Variants in OTUD3 observed in about 807,000 individuals in gnomAD.
OTUD3 encodes OTU deubiquitinase 3.
OTUD3 carries 24 observed loss-of-function variants against 46.2 expected under a neutral mutation model. The observed-to-expected ratio is 0.52, with a 90% CI of 0.38 to 0.73. The LOEUF (loss-of-function observed/expected upper bound fraction) is 0.73. Ranked by LOEUF, OTUD3 falls within the 30% of genes least tolerant of loss-of-function variation. OTUD3 has a pLI of 0.00. For missense variants in OTUD3, 455 were observed against 523.3 expected (o/e 0.87, Z 1.27); for synonymous variants, 189 against 195.4 (o/e 0.97, Z 0.27).
At chr1:19,902,768 TA>T (rs2045608259) in intron 4 of OTUD3, among the ~76,000 whole-genome samples, 3 of 152,292 alleles carry the variant, frequency 2.0e-5, no homozygotes, top group African/African-American at 7.2e-5. Context: ...GTTACAGAAT[TA>T]TATCATCTAC....
chr1:19,895,445 T>A (rs2045505829), intron 3 of OTUD3, among the ~76,000 whole-genome samples: 1 of 152,152 alleles, frequency 6.6e-6, no homozygotes, highest in Non-Finnish European at 1.5e-5. Flanking sequence ...ACTGGCCCCC[T>A]CCCCCAATAC....
At chr1:19,895,721 C>T (rs1195190782) in intron 3 of OTUD3, among the ~76,000 whole-genome samples, 1 of 152,124 alleles carries the variant, frequency 6.6e-6, no homozygotes, top group Non-Finnish European at 1.5e-5. Context: ...ATCATATTTT[C>T]CATGGGGTTC....
chr1:19,883,649 T>C (rs1005429840), intron 1 of OTUD3, among the ~76,000 whole-genome samples: 1 of 132,076 alleles, frequency 7.6e-6, no homozygotes, highest in Admixed American at 7.5e-5. Context: ...AGTTCATTAT[T>C]ATTGTTATTT....
At chr1:19,904,656 A>G (rs2045633392) in intron 5 of OTUD3, among the ~76,000 whole-genome samples, 1 of 152,266 alleles carries the variant, frequency 6.6e-6, no homozygotes, top group African/African-American at 2.4e-5. Context: ...TAGTGTTTAC[A>G]GTAGTACAAA....
chr1:19,885,217 T>C (rs1338383040), intron 1 of OTUD3, among the ~76,000 whole-genome samples: 1 of 152,218 alleles, frequency 6.6e-6, no homozygotes, highest in Non-Finnish European at 1.5e-5. Flanking sequence ...TGCTCATGTC[T>C]CTCTTCCAAG....
At position 19,897,579 on chromosome 1, in the gene OTUD3, A is replaced by G. The variant is rs1377403155; in HGVS notation, c.523A>G (p.Ile175Val). ...GAAAAGCAGCGTGAGGGAGTTACACATCGCATATCGGTATGGAGAGCACTA... is the reference window on the plus strand; with the variant it reads ...GAAAAGCAGCGTGAGGGAGTTACACGTCGCATATCGGTATGGAGAGCACTA... Reference protein sequence around the residue: ...TEKSSVRELHIAYRYGEHYDS... With the variant: ...TEKSSVRELHVAYRYGEHYDS... The change falls in exon 4 of 8, where the codon ATC becomes GTC. Residue 175 changes from isoleucine (I) to valine (V), a missense_variant. Ile to Val is a conservative substitution (Grantham distance 29). Coordinates refer to ENST00000375120, the MANE Select transcript of OTUD3 (RefSeq NM_015207.2). 27 of 1,613,992 alleles carry G rather than the reference A, an allele frequency of 1.7e-5. No homozygotes were observed. The highest frequency in any genetic ancestry group is 6.7e-5 in the African/African-American group (5 of 74,912).
intron 3 of OTUD3, among the ~76,000 whole-genome samples, chr1:19,895,488 C>G (rs1311569896): frequency 6.6e-6 from 1 of 152,198 alleles, no homozygotes; most frequent in Non-Finnish European, 1.5e-5. Context: ...CTGATTTGTC[C>G]TTATAGTTTT....
rs1344058219 is a variant in OTUD3, at chr1:19,907,556, G to T, written c.1021-14G>T. On this transcript the variant is annotated splice_polypyrimidine_tract_variant and intron_variant, in intron 7 of 7. Coordinates refer to ENST00000375120, the MANE Select transcript of OTUD3 (RefSeq NM_015207.2). ...CCCGTGCTTCCTACTCACCACCATG[G>T]CCTTCTCTCTCAGGTCACAAACAAA... is the stretch of plus-strand genomic sequence containing the variant. 1 of 1,613,346 alleles carries T rather than the reference G, an allele frequency of 6.2e-7. No homozygotes were observed. The highest frequency in any genetic ancestry group is 2.2e-5 in the East Asian group (1 of 44,874).
At chr1:19,888,485 G>C (rs112483005) in intron 1 of OTUD3, among the ~76,000 whole-genome samples, 1,817 of 152,344 alleles carry the variant, frequency 0.012, 13 homozygotes, top group Non-Finnish European at 0.019. Context: ...TGAGCTCAAA[G>C]AAAGTTTGGT....
intron 2 of OTUD3, 26 bp downstream of exon 2, chr1:19,890,559 C>A: frequency 1.2e-6 from 2 of 1,608,102 alleles, no homozygotes; most frequent in Non-Finnish European, 1.7e-6. Flanking sequence ...GACATTGTGT[C>A]CTTCAGGAGT....
intron 4 of OTUD3, among the ~76,000 whole-genome samples, chr1:19,900,402 C>T (rs2045570782): frequency 1.3e-5 from 2 of 151,952 alleles, no homozygotes; most frequent in African/African-American, 4.8e-5. Flanking sequence ...GTTGCCCGGG[C>T]TGGTCTCGAA....
intron 1 of OTUD3, among the ~76,000 whole-genome samples, chr1:19,888,037 C>T (rs545139389): frequency 6.6e-6 from 1 of 152,164 alleles, no homozygotes; most frequent in South Asian, 2.1e-4. Context: ...GCCATATATC[C>T]CTATAACACA....
At position 19,897,556 on chromosome 1, in the gene OTUD3, A is replaced by G; in HGVS notation, c.500A>G (p.Lys167Arg). The change falls in exon 4 of 8, where the codon AAA (lysine) becomes AGA (arginine). Residue 167 changes from lysine (K) to arginine (R), a missense_variant. By Grantham distance (26) the Lys-to-Arg change is conservative (BLOSUM62 2). Coordinates refer to ENST00000375120, the MANE Select transcript of OTUD3 (RefSeq NM_015207.2). ...APLWQIRGTE[K>R]SSVRELHIAY... ...TGTCTACAGATTCGTGGTACAGAGA[A>G]AAGCAGCGTGAGGGAGTTACACATC... 1 of 1,614,072 alleles carries G rather than the reference A, an allele frequency of 6.2e-7. No homozygotes were observed. The highest frequency in any genetic ancestry group is 2.2e-5 in the East Asian group (1 of 44,874).
At chr1:19,901,695 T>C (rs1023690830) in intron 4 of OTUD3, among the ~76,000 whole-genome samples, 6 of 152,188 alleles carry the variant, frequency 3.9e-5, no homozygotes, top group African/African-American at 1.4e-4. Context: ...CCCTCTCCCC[T>C]AGCAGTCACC....
intron 1 of OTUD3, among the ~76,000 whole-genome samples, chr1:19,883,369 G>A (rs1413553729): frequency 1.3e-5 from 2 of 152,166 alleles, no homozygotes; most frequent in African/African-American, 4.8e-5. Context: ...GAGGGGGAGA[G>A]TGGGGAGGAG....
chr1:19,895,980 A>AT (rs372806476), intron 3 of OTUD3, among the ~76,000 whole-genome samples: 27 of 151,666 alleles, frequency 1.8e-4, no homozygotes, highest in African/African-American at 5.6e-4. Flanking sequence ...GCATAGGTAA[A>AT]TTTTTTTTTG....
At chr1:19,904,119 C>T (rs1359537654) in intron 4 of OTUD3, 148 bp from the exon 5 acceptor site, 1 of 485,268 alleles carries the variant, frequency 2.1e-6, no homozygotes, top group Non-Finnish European at 3.6e-6. Context: ...TAAAATGGAG[C>T]CTAGTCATTG....
rs2045734148 is a variant in OTUD3, at chr1:19,911,587, A to C, written c.*3841A>C. 6.6e-6 allele frequency: 1 copy of C among 152,074 alleles called. No homozygotes were observed. Among genetic ancestry groups the C allele is most frequent in the South Asian group, 2.1e-4 (1 of 4,798 alleles). 9.4% of individuals were successfully genotyped at this position (152,074 alleles called of 1,614,324 possible). On this transcript the variant is annotated 3_prime_UTR_variant, in exon 8 of 8. Transcript: ENST00000375120. ...GTATTTTTAGTAGAGACGGGGTTTC[A>C]CCATGTTAGCCAGGCTGGTCTCAAA...
chr1:19,907,461 C>T (rs965738853), intron 7 of OTUD3, 109 bp from the exon 8 acceptor site: 5 of 992,496 alleles, frequency 5.0e-6, no homozygotes, highest in Middle Eastern at 2.8e-4. Flanking sequence ...TTGGTTTTCC[C>T]TGTTCCTGCT....
Sources: gnomAD v4.1 joint callset for allele counts (sites outside exome capture counted in the v4.1 genomes callset) on GRCh38, gnomAD v4.1.1 for gene constraint, MANE v1.5 for transcripts, NCBI Gene and HGNC (gene_info 2026-07-23, HGNC 2026-07-21) for gene names.